The following TBC1D22A variants were observed in gnomAD, a reference collection of about 807,000 sequenced individuals.
The protein encoded by TBC1D22A is TBC1 domain family member 22A, also known as putative GTPase activator.
A neutral mutation model predicts 60.2 loss-of-function variants in TBC1D22A; 38 were observed. That is an observed-to-expected ratio of 0.63 (90% CI 0.49 to 0.83). The LOEUF is 0.83. Ranked by LOEUF, TBC1D22A falls within the 40% of genes least tolerant of loss-of-function variation. The pLI is 0.00. For synonymous variants in TBC1D22A, 302 were observed against 281.7 expected, an observed-to-expected ratio of 1.07 and a Z score of -0.72; for missense variants, 628 against 701.0, an observed-to-expected ratio of 0.90 and a Z score of 1.18.
chr22:46,870,626 A>G (rs2067253633), intron 4 of TBC1D22A, among the ~76,000 whole-genome samples: 1 of 152,230 alleles, frequency 6.6e-6, no homozygotes, highest in Admixed American at 6.5e-5. Context: ...CACAGAGTGG[A>G]TAATCTGTAA....
intron 12 of TBC1D22A, among the ~76,000 whole-genome samples, chr22:47,157,594 G>C (rs528843371): frequency 2.6e-5 from 4 of 152,320 alleles, no homozygotes; most frequent in African/African-American, 7.2e-5. Flanking sequence ...CCACACGTGC[G>C]TCCCATGGCT....
At position 47,111,537 on chromosome 22, in the gene TBC1D22A, C is replaced by T. The variant is rs773747829; in HGVS notation, c.1359C>T (p.His453=). 1 of 1,614,074 alleles carries T rather than the reference C, an allele frequency of 6.2e-7. No homozygotes were observed. Among genetic ancestry groups the T allele is most frequent in the Non-Finnish European group, 8.5e-7 (1 of 1,180,002 alleles). Residue 453 remains histidine, a synonymous_variant, in exon 12 of 13, where the codon CAC becomes CAT. Coordinates refer to ENST00000337137, the MANE Select transcript of TBC1D22A (RefSeq NM_014346.5). ...QSEPDGFSHF[H]LYVCAAFLVR... ...AACCGGACGGCTTTTCTCATTTCCACTTGTACGTGTGCGCTGCTTTTCTCG... is the reference window on the plus strand; with the variant it reads ...AACCGGACGGCTTTTCTCATTTCCATTTGTACGTGTGCGCTGCTTTTCTCG...
chr22:46,805,793 A>G (rs801656), intron 4 of TBC1D22A, among the ~76,000 whole-genome samples: 106,979 of 141,044 alleles, frequency 0.76, 38,816 homozygotes, highest in Middle Eastern at 0.85. Flanking sequence ...CCGCCCCCCC[A>G]CACCCCCCAC....
intron 1 of TBC1D22A, among the ~76,000 whole-genome samples, chr22:46,765,722 C>G (rs1328265424): frequency 2.6e-5 from 4 of 151,910 alleles, no homozygotes; most frequent in African/African-American, 9.7e-5. Flanking sequence ...CCACCTCAGC[C>G]TCCCAAAGTG....
intron 11 of TBC1D22A, among the ~76,000 whole-genome samples, chr22:47,038,632 C>T (rs1312268764): frequency 1.3e-5 from 2 of 152,204 alleles, no homozygotes; most frequent in Non-Finnish European, 2.9e-5. Flanking sequence ...AAGCTTTGTT[C>T]CTGACACCGG....
intron 4 of TBC1D22A, among the ~76,000 whole-genome samples, chr22:46,814,728 C>T (rs1275347350): frequency 6.6e-6 from 1 of 151,908 alleles, no homozygotes; most frequent in East Asian, 1.9e-4. Context: ...CTCACTGCAA[C>T]CTCCGCCTCA....
chr22:46,972,783 C>A (rs747646957), intron 8 of TBC1D22A, among the ~76,000 whole-genome samples: 4 of 152,194 alleles, frequency 2.6e-5, no homozygotes, highest in Non-Finnish European at 4.4e-5. Flanking sequence ...GATGAATTAT[C>A]TCTCCGTTTA....
intron 4 of TBC1D22A, among the ~76,000 whole-genome samples, chr22:46,835,786 T>C (rs1435771456): frequency 6.6e-6 from 1 of 152,184 alleles, no homozygotes; most frequent in African/African-American, 2.4e-5. Flanking sequence ...AAACACAATA[T>C]AATTAAACTG....
chr22:46,765,979 G>C (rs2083270674), intron 1 of TBC1D22A, among the ~76,000 whole-genome samples: 1 of 139,308 alleles, frequency 7.2e-6, no homozygotes, highest in African/African-American at 2.8e-5. Context: ...GTGTGTGTGT[G>C]TGTGTGTGTG....
chr22:47,102,073 G>A (rs368301712), intron 11 of TBC1D22A, among the ~76,000 whole-genome samples: 3 of 152,184 alleles, frequency 2.0e-5, no homozygotes, highest in East Asian at 1.9e-4. Flanking sequence ...GGAGGAAACC[G>A]TTTCCGTCCC....
chr22:47,032,809 A>G (rs973933609), intron 10 of TBC1D22A, among the ~76,000 whole-genome samples: 53 of 152,354 alleles, frequency 3.5e-4, no homozygotes, highest in African/African-American at 1.2e-3. Flanking sequence ...CACTTGCTGC[A>G]GCCCAGACGT....
At position 46,858,424 on chromosome 22, in the gene TBC1D22A, C is replaced by T. The variant is rs141067951; in HGVS notation, c.638-20229C>T. On this transcript the variant is annotated intron_variant, in intron 4 of 12. Coordinates refer to ENST00000337137, the MANE Select transcript of TBC1D22A (RefSeq NM_014346.5). ...TGGAGGCAGCCGACAGCAGGCAAGC[C>T]GCCCTGTGCCGGCAGGCTTTGTTTC... Among the ~76,000 whole-genome samples the T allele has an allele frequency of 1.6e-3, 248 of 151,562 alleles. 1 individual carries two copies. The highest frequency in any genetic ancestry group is 3.4e-3 in the Middle Eastern group (1 of 294).
intron 8 of TBC1D22A, among the ~76,000 whole-genome samples, chr22:46,929,374 C>T (rs544313686): frequency 2.6e-5 from 4 of 152,264 alleles, no homozygotes; most frequent in South Asian, 4.1e-4. Flanking sequence ...GAAATGAATA[C>T]GTATATTCTC....
intron 4 of TBC1D22A, among the ~76,000 whole-genome samples, chr22:46,876,908 C>G (rs991981091): frequency 1.3e-5 from 2 of 152,232 alleles, no homozygotes; most frequent in Admixed American, 1.3e-4. Flanking sequence ...TCCCTGTCGA[C>G]CCCATTCAGC....
At chr22:46,915,625 C>T (rs1472095767) in intron 8 of TBC1D22A, 1 of 456,534 alleles carries the variant, frequency 2.2e-6, no homozygotes. Context: ...GATAGCATCC[C>T]AGTTAATCAA....
intron 11 of TBC1D22A, among the ~76,000 whole-genome samples, chr22:47,038,049 T>TA (rs1172119785): frequency 1.3e-5 from 2 of 152,368 alleles, no homozygotes; most frequent in Admixed American, 1.3e-4. Flanking sequence ...TCCCATCACT[T>TA]ATTCTAGCAC....
intron 8 of TBC1D22A, among the ~76,000 whole-genome samples, chr22:46,940,055 A>T (rs1344476022): frequency 6.6e-6 from 1 of 152,222 alleles, no homozygotes; most frequent in East Asian, 1.9e-4. Flanking sequence ...AGAAAGTCAC[A>T]CAAATTTTTT....
intron 8 of TBC1D22A, among the ~76,000 whole-genome samples, chr22:46,961,795 G>A (rs2073518726): frequency 6.6e-6 from 1 of 152,174 alleles, no homozygotes; most frequent in Non-Finnish European, 1.5e-5. Context: ...CTCGGTCAGT[G>A]GTCTGAGTGC....
chr22:46,793,264 C>T (rs955988876), intron 2 of TBC1D22A, among the ~76,000 whole-genome samples: 5 of 152,318 alleles, frequency 3.3e-5, no homozygotes, highest in South Asian at 2.1e-4. Context: ...TGTGGCCCTG[C>T]GCCTCCTCCC....
Sources: gnomAD v4.1 joint callset for allele counts (sites outside exome capture counted in the v4.1 genomes callset) on GRCh38, gnomAD v4.1.1 for gene constraint, MANE v1.5 for transcripts, NCBI Gene and HGNC (gene_info 2026-07-23, HGNC 2026-07-21) for gene names.